Variants in ANO3 observed in about 807,000 individuals in gnomAD.
The protein encoded by ANO3 is anoctamin-3.
Under a neutral mutation model 144.8 loss-of-function variants are expected in ANO3, and 99 were observed. That is an observed-to-expected ratio of 0.68 (90% confidence interval 0.58 to 0.81). The LOEUF (loss-of-function observed/expected upper bound fraction) is 0.81. ANO3 is among the 30% of genes least tolerant of loss of function. ANO3 has a pLI of 0.00. For missense variants in ANO3, 905 were observed against 1,202.2 expected (o/e 0.75, Z 3.66); for synonymous variants, 414 against 392.6 (o/e 1.05, Z -0.64).
chr11:26,284,994 T>C (rs1590233890), intron 1 of ANO3, among the ~76,000 whole-genome samples: 1 of 152,240 alleles, frequency 6.6e-6, no homozygotes, highest in Non-Finnish European at 1.5e-5. Context: ...CTAAATATAC[T>C]TGAATCAAGC....
At chr11:26,564,523 G>A (rs1850440205) in intron 14 of ANO3, among the ~76,000 whole-genome samples, 1 of 148,124 alleles carries the variant, frequency 6.8e-6, no homozygotes, top group Non-Finnish European at 1.5e-5. Flanking sequence ...TTCATTTTAT[G>A]GAAAAATGTA....
chr11:26,327,574 T>A (rs1854920487), upstream of ANO3, among the ~76,000 whole-genome samples: 1 of 152,298 alleles, frequency 6.6e-6, no homozygotes. Context: ...AAAGAGTTTG[T>A]AAAAGGGTCT....
intron 14 of ANO3, chr11:26,561,131 T>G (rs766328093): frequency 6.2e-7 from 1 of 1,612,968 alleles, no homozygotes; most frequent in Non-Finnish European, 8.5e-7. Flanking sequence ...TTTCTTCACT[T>G]TCTGGCATGG....
intron 23 of ANO3, among the ~76,000 whole-genome samples, chr11:26,646,766 C>T (rs1031001492): frequency 2.0e-5 from 3 of 151,994 alleles, no homozygotes; most frequent in African/African-American, 4.8e-5. Flanking sequence ...AACCCTTTGT[C>T]GGTTTTTGTA....
intron 4 of ANO3, among the ~76,000 whole-genome samples, chr11:26,484,247 C>T (rs1860350858): frequency 6.6e-6 from 1 of 152,050 alleles, no homozygotes; most frequent in Non-Finnish European, 1.5e-5. Flanking sequence ...GGGGGGAGTT[C>T]AAGCTGGCTG....
At chr11:26,608,668 C>G (rs537754572) in intron 17 of ANO3, among the ~76,000 whole-genome samples, 64 of 152,252 alleles carry the variant, frequency 4.2e-4, no homozygotes, top group African/African-American at 1.5e-3. Context: ...TGCAGAGAGG[C>G]CTCGCCCAGT....
At chr11:26,380,243 GTTA>G (rs1856553276) in intron 1 of ANO3, among the ~76,000 whole-genome samples, 1 of 152,180 alleles carries the variant, frequency 6.6e-6, no homozygotes, top group Non-Finnish European at 1.5e-5. Flanking sequence ...ATAAGTGCTA[GTTA>G]TTATTCTTAT....
chr11:26,372,792 A>G (rs1342531348), intron 1 of ANO3, among the ~76,000 whole-genome samples: 1 of 152,178 alleles, frequency 6.6e-6, no homozygotes, highest in Non-Finnish European at 1.5e-5. Flanking sequence ...AAACAAGGAA[A>G]GGGGTCATAT....
chr11:26,607,985 G>A (rs1274316380), intron 17 of ANO3, among the ~76,000 whole-genome samples: 2 of 152,208 alleles, frequency 1.3e-5, no homozygotes, highest in East Asian at 1.9e-4. Context: ...CCGGAGAGGC[G>A]TTGCAATCAT....
At chr11:26,207,900 C>CTT (rs71311920) in intron 1 of ANO3, 45,846 of 151,860 alleles carry the variant, frequency 0.3, 7,631 homozygotes, top group Non-Finnish European at 0.37. Flanking sequence ...TAAATATTGT[C>CTT]AGTTACTTCA....
chr11:26,544,252 A>ACATATATATATATATATATATG (rs33941935), intron 11 of ANO3, among the ~76,000 whole-genome samples: 43 of 14,216 alleles, frequency 3.0e-3, no homozygotes, highest in Non-Finnish European at 8.1e-3. Context: ...TTCATTATAC[A>ACATATATATATATATATATATG]TATATATATA....
At chr11:26,553,213 T>A in intron 12 of ANO3, 36 bp from the exon 13 acceptor site, 2 of 1,205,332 alleles carry the variant, frequency 1.7e-6, no homozygotes, top group Non-Finnish European at 2.4e-6. Flanking sequence ...TTTCATGCTA[T>A]GTTTTGTTTT....
At chr11:26,269,465 G>A (rs56127554) in intron 1 of ANO3, among the ~76,000 whole-genome samples, 2,651 of 152,230 alleles carry the variant, frequency 0.017, 73 homozygotes, top group African/African-American at 0.061. Flanking sequence ...GATCTGTGCC[G>A]GTCCAGCTGG....
chr11:26,584,433 A>T (rs908440752), intron 14 of ANO3, among the ~76,000 whole-genome samples: 15 of 152,322 alleles, frequency 9.8e-5, no homozygotes, highest in Admixed American at 2.6e-4. Flanking sequence ...TGCTGGGATT[A>T]TAGGCCTTCC....
chr11:26,561,732 C>T (rs898154353), intron 14 of ANO3, among the ~76,000 whole-genome samples: 2 of 151,876 alleles, frequency 1.3e-5, no homozygotes, highest in African/African-American at 2.4e-5. Context: ...TTCTTCTGAT[C>T]GATTCAAGTT....
At chr11:26,209,569 A>T (rs901192321) in intron 1 of ANO3, among the ~76,000 whole-genome samples, 1 of 143,540 alleles carries the variant, frequency 7.0e-6, no homozygotes, top group African/African-American at 2.5e-5. Flanking sequence ...GAATTGCCAC[A>T]CTGTCTTCCA....
chr11:26,627,009 G>A (rs1412165180), intron 18 of ANO3, among the ~76,000 whole-genome samples: 1 of 152,070 alleles, frequency 6.6e-6, no homozygotes, highest in Admixed American at 6.6e-5. Flanking sequence ...AAGAATATCA[G>A]CTCTAGAGTG....
intron 1 of ANO3, among the ~76,000 whole-genome samples, chr11:26,202,240 AAT>A (rs1419353585): frequency 6.9e-6 from 1 of 145,156 alleles, no homozygotes. Flanking sequence ...TATATATATA[AAT>A]ATATATTATA....
chr11:26,559,817 C>A, intron 14 of ANO3, 38 bp downstream of exon 14: 1 of 1,310,790 alleles, frequency 7.6e-7, no homozygotes, highest in Non-Finnish European at 1.1e-6. Flanking sequence ...CCCTTATTTT[C>A]TGAAGCTGTT....
Sources: gnomAD v4.1 joint callset for allele counts (sites outside exome capture counted in the v4.1 genomes callset) on GRCh38, gnomAD v4.1.1 for gene constraint, MANE v1.5 for transcripts, NCBI Gene and HGNC (gene_info 2026-07-23, HGNC 2026-07-21) for gene names.